Variants in APELA observed in about 807,000 individuals in gnomAD.
APELA encodes the protein apelin receptor early endogenous ligand.
chr4:164,886,971 A>G (rs966585814), intron 2 of APELA, among the ~76,000 whole-genome samples: 20 of 151,782 alleles, frequency 1.3e-4, no homozygotes, highest in South Asian at 1.0e-3. Context: ...GATTACAGGC[A>G]CCTGCCACCA....
intron 2 of APELA, among the ~76,000 whole-genome samples, chr4:164,885,723 A>G (rs1730757468): frequency 6.6e-6 from 1 of 151,986 alleles, no homozygotes; most frequent in South Asian, 2.1e-4. Context: ...CCTGGGTGAC[A>G]GAGTGAGACC....
intron 2 of APELA, among the ~76,000 whole-genome samples, chr4:164,885,091 C>G (rs80027770): frequency 0.092 from 13,937 of 151,316 alleles, 716 homozygotes; most frequent in Middle Eastern, 0.14. Context: ...TTTGTATTTT[C>G]AGCCAAAAAA....
intron 2 of APELA, among the ~76,000 whole-genome samples, chr4:164,888,053 C>T (rs189556929): frequency 1.6e-4 from 24 of 152,228 alleles, no homozygotes; most frequent in Admixed American, 1.5e-3. Flanking sequence ...TCTCAGCCAA[C>T]CCTCTGCCTC....
chr4:164,898,664 G>C (rs764598986), downstream of APELA: 1 of 152,166 alleles, frequency 6.6e-6, no homozygotes, highest in African/African-American at 2.4e-5. Context: ...CAGATGGAGG[G>C]TGGTGGACCA....
Position 164,877,232 on chromosome 4 carries a change from C to G in APELA, c.-100C>G. ...CAGCTGGCAGTTCTCTGAGGTTTGT[C>G]ACTAGAATGTGAAGACAGCCACACA... On this transcript the variant is annotated 5_prime_UTR_variant, in exon 1 of 3. Transcript: ENST00000507152. 1 of 396,648 alleles carries G rather than the reference C, an allele frequency of 2.5e-6. No individual in the cohort carries two copies. Among genetic ancestry groups the G allele is most frequent in the Non-Finnish European group, 4.4e-6 (1 of 224,722 alleles). 24.6% of individuals were successfully genotyped at this position (396,648 alleles called of 1,614,324 possible).
At chr4:164,886,644 TA>T (rs1167223561) in intron 2 of APELA, among the ~76,000 whole-genome samples, 2 of 150,782 alleles carry the variant, frequency 1.3e-5, no homozygotes, top group African/African-American at 2.4e-5. Context: ...AGACTCCGTC[TA>T]AAAAAAAAGA....
At chr4:164,888,937 A>G (rs938212475) in intron 2 of APELA, among the ~76,000 whole-genome samples, 6 of 151,930 alleles carry the variant, frequency 3.9e-5, no homozygotes, top group Non-Finnish European at 8.8e-5. Flanking sequence ...TTTCCTACTC[A>G]ATGAAAATTT....
In APELA at chr4:164,877,328, G is replaced by A. The variant is rs1730573944; in HGVS notation, c.-4G>A. ...TCATTGCTCTACTTTTGTGCGGTAG[G>A]AAAATGAGATTTCAGCAATTCCTTT... On this transcript the variant is annotated 5_prime_UTR_variant, in exon 1 of 3. Transcript: ENST00000507152. 1 of 398,880 alleles carries A rather than the reference G, an allele frequency of 2.5e-6. No individual in the cohort carries two copies. The highest frequency in any genetic ancestry group is 4.4e-6 in the Non-Finnish European group (1 of 226,036). The allele number at this position is 398,880 out of a possible 1,614,324, so 24.7% of individuals were successfully genotyped here.
At chr4:164,895,228 C>T (rs1236117031) in intron 2 of APELA, among the ~76,000 whole-genome samples, 188 bp from the exon 3 acceptor site, 2 of 152,020 alleles carry the variant, frequency 1.3e-5, no homozygotes, top group Non-Finnish European at 2.9e-5. Flanking sequence ...TTAAATTCAG[C>T]CTTTTAAAGA....
chr4:164,890,036 G>C (rs185847308), intron 2 of APELA, among the ~76,000 whole-genome samples: 1 of 152,168 alleles, frequency 6.6e-6, no homozygotes, highest in Admixed American at 6.5e-5. Flanking sequence ...GGATACTGAG[G>C]GATGATTGCA....
intron 2 of APELA, among the ~76,000 whole-genome samples, chr4:164,884,121 G>GAATGAAAGAAAGAA (rs5863729): frequency 3.5e-5 from 4 of 113,290 alleles, no homozygotes; most frequent in African/African-American, 1.1e-4. Flanking sequence ...AAGAAAGAAA[G>GAATGAAAGAAAGAA]AGAAAGAAAG....
At chr4:164,879,525 G>A (rs1276138086) in intron 2 of APELA, among the ~76,000 whole-genome samples, 6 of 152,022 alleles carry the variant, frequency 3.9e-5, no homozygotes, top group Non-Finnish European at 8.8e-5. Context: ...GCTCATTGCA[G>A]CCTCAACCTC....
At position 164,877,263 on chromosome 4, in the gene APELA, T is replaced by C. The variant is rs1730572484; in HGVS notation, c.-69T>C. ...AATGTGAAGACAGCCACACAGATATTGCACAGACTATTTACAGATCGTTTG... is the reference window on the plus strand; with the variant it reads ...AATGTGAAGACAGCCACACAGATATCGCACAGACTATTTACAGATCGTTTG... On this transcript the variant is annotated 5_prime_UTR_variant, in exon 1 of 3. Transcript: ENST00000507152. 2.5e-6 allele frequency: 1 copy of C among 398,308 alleles called. No homozygotes were observed. Among genetic ancestry groups the C allele is most frequent in the Non-Finnish European group, 4.4e-6 (1 of 225,608 alleles). The allele number at this position is 398,308 out of a possible 1,614,324, so 24.7% of individuals were successfully genotyped here. A position where few individuals can be genotyped will look rare whatever the true frequency, so the allele number is the denominator to read the frequency against.
At chr4:164,893,636 T>A (rs1208499825) in intron 2 of APELA, among the ~76,000 whole-genome samples, 1 of 152,208 alleles carries the variant, frequency 6.6e-6, no homozygotes, top group Non-Finnish European at 1.5e-5. Context: ...TCAGCTCTCT[T>A]ATACTTGCTG....
rs529391065 is a variant in APELA at position 164,887,213 on chromosome 4, C to T, written c.*2-8203C>T. On this transcript the variant is annotated intron_variant, in intron 2 of 2. Coordinates refer to ENST00000507152, the MANE Select transcript of APELA (RefSeq NM_001297550.2). ...GATAGCTAAACTAGCTGCTCTCTACCATGTTGTTCAGGAATCTAAAATTTC... is the reference window on the plus strand; with the variant it reads ...GATAGCTAAACTAGCTGCTCTCTACTATGTTGTTCAGGAATCTAAAATTTC... Among the ~76,000 whole-genome samples the T allele has an allele frequency of 2.0e-5, 3 of 152,262 alleles. No individual in the cohort carries two copies. The South Asian group carries it at 6.2e-4, about 32-fold the overall frequency.
chr4:164,886,950 C>A (rs977246247), intron 2 of APELA, among the ~76,000 whole-genome samples: 1 of 151,930 alleles, frequency 6.6e-6, no homozygotes, highest in African/African-American at 2.4e-5. Context: ...CTCAGCCTCC[C>A]AAGTAGCTGG....
rs1175515915 is a variant in APELA at position 164,878,169 on chromosome 4, G to GAGAA, written c.77-733_77-730dup. ...AAGAAAGAAAAGAGAGAAAAGAAGAGAGAAAGAAAGAAAGAAAGAAACAGA... is the reference window on the plus strand; with the variant it reads ...AAGAAAGAAAAGAGAGAAAAGAAGAGAGAAAGAAAGAAAGAAAGAAAGAAACAGA... On this transcript the variant is annotated intron_variant, in intron 1 of 2. Coordinates refer to ENST00000507152, the MANE Select transcript of APELA (RefSeq NM_001297550.2). Among the ~76,000 whole-genome samples the GAGAA allele has an allele frequency of 4.9e-3, 406 of 83,600 alleles. 4 individuals are homozygous for GAGAA. The highest frequency in any genetic ancestry group is 0.019 in the African/African-American group (375 of 19,802). 54.8% of individuals were successfully genotyped at this position (83,600 alleles called of 152,430 possible).
At chr4:164,885,058 G>T (rs1213056344) in intron 2 of APELA, among the ~76,000 whole-genome samples, 2 of 152,046 alleles carry the variant, frequency 1.3e-5, no homozygotes. Flanking sequence ...TTCCCTGAAG[G>T]CCGAGGGTAG....
chr4:164,889,478 A>G (rs1482120984), intron 2 of APELA, among the ~76,000 whole-genome samples: 1 of 152,214 alleles, frequency 6.6e-6, no homozygotes, highest in African/African-American at 2.4e-5. Context: ...CATTATTTAA[A>G]CACATATGAA....
Sources: allele counts gnomAD v4.1 joint callset (sites outside exome capture counted in the v4.1 genomes callset), GRCh38; gene constraint gnomAD v4.1.1; transcripts MANE v1.5; gene names NCBI Gene and HGNC (gene_info 2026-07-23, HGNC 2026-07-21).